The following TBCD variants were observed in gnomAD, a reference collection of about 807,000 sequenced individuals.
The protein encoded by TBCD is tubulin folding cofactor D.
TBCD carries 105 observed loss-of-function variants against 169.3 expected under a neutral mutation model. That is an observed-to-expected ratio of 0.62 (90% CI 0.53 to 0.73). The LOEUF is 0.73. Among genes scored for constraint, TBCD ranks in the 30% least tolerant of loss-of-function variants. TBCD has a pLI of 0.00. For synonymous variants in TBCD, 700 were observed against 643.9 expected (o/e 1.09, Z -1.32); for missense variants, 1,444 against 1,600.1 (o/e 0.90, Z 1.66).
chr17:82,832,368 T>C lies in TBCD; in HGVS notation c.1318+17434T>C, dbSNP rs911529791. The C allele has an allele frequency of 1.2e-6, 2 of 1,614,214 alleles. No individual in the cohort carries two copies. The highest frequency in any genetic ancestry group is 8.5e-7 in the Non-Finnish European group (1 of 1,180,036). On this transcript the variant is annotated intron_variant, in intron 13 of 38. Coordinates refer to ENST00000355528, the MANE Select transcript of TBCD (RefSeq NM_005993.5). The surrounding 1 kb of genome is among the most constrained non-coding windows in gnomAD (Gnocchi z 4.9). ...ACTTCTCATTGCAAGTAAAGGGACA[T>C]TGGAAACATTTATACTTGAAGGGCT...
intron 17 of TBCD, among the ~76,000 whole-genome samples, chr17:82,896,860 G>A (rs2059524087): frequency 6.6e-6 from 1 of 152,092 alleles, no homozygotes; most frequent in Non-Finnish European, 1.5e-5. Flanking sequence ...TGGGGTCCTT[G>A]CCGGCGCTGG....
intron 17 of TBCD, among the ~76,000 whole-genome samples, 183 bp downstream of exon 17, chr17:82,893,815 G>C (rs942790491): frequency 1.3e-5 from 2 of 152,202 alleles, no homozygotes; most frequent in African/African-American, 4.8e-5. Flanking sequence ...ATGTTGATTG[G>C]ACACACCTCA....
rs2054437872 is a variant in TBCD, at chr17:82,840,951, CTGGTT to C, written c.1318+26019_1318+26023del. ...GGACGAGCTGGCCAGGACAGACAAA[CTGGTT>C]TTTTTTTTTTTTTTTTTTTTTTTTT... On this transcript the variant is annotated intron_variant, in intron 13 of 38. Transcript: ENST00000355528. 3.4e-5 allele frequency among the ~76,000 whole-genome samples: 2 copies of C among 58,004 alleles called. 1 individual carries two copies. The highest frequency in any genetic ancestry group is 6.1e-5 in the Non-Finnish European group (2 of 32,682). 38.1% of individuals were successfully genotyped at this position (58,004 alleles called of 152,430 possible).
chr17:82,780,230 C>G (rs2048854477), intron 6 of TBCD, among the ~76,000 whole-genome samples: 2 of 152,196 alleles, frequency 1.3e-5, no homozygotes, highest in Admixed American at 1.3e-4. Context: ...GGTTTTGCAG[C>G]CCCCCTCGTT....
chr17:82,898,416 G>T (rs1449376514), intron 17 of TBCD, among the ~76,000 whole-genome samples: 1 of 152,190 alleles, frequency 6.6e-6, no homozygotes, highest in Non-Finnish European at 1.5e-5. Flanking sequence ...CAGCTCTGCT[G>T]CAGACCCTGG....
intron 23 of TBCD, among the ~76,000 whole-genome samples, chr17:82,911,999 A>G (rs1254524855): frequency 6.6e-6 from 1 of 152,108 alleles, no homozygotes; most frequent in Non-Finnish European, 1.5e-5. Context: ...AGAGAGAGAA[A>G]GAGGAAGTTG....
At chr17:82,908,504 G>T in intron 21 of TBCD, 2 of 370,648 alleles carry the variant, frequency 5.4e-6, no homozygotes, top group Non-Finnish European at 1.1e-5. Context: ...GGGATTACGT[G>T]GTTTACTTGT....
chr17:82,805,589 G>C (rs1218170550), intron 9 of TBCD, among the ~76,000 whole-genome samples: 1 of 152,204 alleles, frequency 6.6e-6, no homozygotes, highest in Non-Finnish European at 1.5e-5. Flanking sequence ...CCTGTCGTCT[G>C]TGTACCCATC....
intron 34 of TBCD, among the ~76,000 whole-genome samples, chr17:82,934,737 G>T (rs1229288610): frequency 6.6e-6 from 1 of 152,162 alleles, no homozygotes; most frequent in Non-Finnish European, 1.5e-5. Flanking sequence ...CTCCCAAAGT[G>T]CTGGGATTAT....
intron 1 of TBCD, 104 bp from the exon 2 acceptor site, chr17:82,756,061 G>A (rs1568086057): frequency 2.0e-6 from 2 of 1,002,740 alleles, no homozygotes; most frequent in African/African-American, 3.2e-5. Flanking sequence ...TGGGGAAGAG[G>A]TGGAGCTGCC....
intron 18 of TBCD, 38 bp downstream of exon 18, chr17:82,900,769 TC>T: frequency 4.0e-6 from 6 of 1,500,626 alleles, no homozygotes; most frequent in East Asian, 2.3e-5. Context: ...GAGCTTTTTT[TC>T]CCCCCAAAGG....
intron 35 of TBCD, 123 bp from the exon 36 acceptor site, chr17:82,937,915 TGGGGCCCCAGG>T: frequency 6.5e-7 from 1 of 1,533,980 alleles, no homozygotes; most frequent in Non-Finnish European, 8.7e-7. Flanking sequence ...ACCTCCGGCT[TGGGGCCCCAGG>T]CCCGCACTGT....
chr17:82,809,374 A>G (rs911801711), intron 11 of TBCD, among the ~76,000 whole-genome samples: 2 of 152,000 alleles, frequency 1.3e-5, no homozygotes, highest in Non-Finnish European at 2.9e-5. Flanking sequence ...TCCAGTAGGG[A>G]GGGTCAGGGT....
At position 82,929,289 on chromosome 17, in the gene TBCD, GC is replaced by G. The variant is rs761836234; in HGVS notation, c.2852+24del. 3 of 1,611,868 alleles carry G rather than the reference GC, an allele frequency of 1.9e-6. No homozygotes were observed. The highest frequency in any genetic ancestry group is 2.7e-5 in the African/African-American group (2 of 74,982). On this transcript the variant is annotated intron_variant, in intron 31 of 38. Transcript: ENST00000355528. ...TTTCCCAGGTACTGTCGGGGTGTAG[GC>G]CCCCCGTGCTGGCCCCGCAGCCATG...
chr17:82,930,674 G>C lies in TBCD; in HGVS notation c.3113+31G>C, dbSNP rs556075382. The C allele has an allele frequency of 6.2e-7, 1 of 1,613,618 alleles. No individual in the cohort carries two copies. The highest frequency in any genetic ancestry group is 1.3e-5 in the African/African-American group (1 of 75,044). On this transcript the variant is annotated intron_variant, in intron 33 of 38. Transcript: ENST00000355528. This position sits in a 1 kb window ranked among gnomAD's most constrained non-coding sequence, Gnocchi z 5.2. ...TGGTGTCTCTTGGGGCCTCAGAGGCGTGAGTGGTGCTGGTGCCTCTCACCA... is the reference window on the plus strand; with the variant it reads ...TGGTGTCTCTTGGGGCCTCAGAGGCCTGAGTGGTGCTGGTGCCTCTCACCA...
At chr17:82,768,775 G>C (rs2048153364) in intron 5 of TBCD, among the ~76,000 whole-genome samples, 1 of 152,146 alleles carries the variant, frequency 6.6e-6, no homozygotes, top group East Asian at 1.9e-4. Context: ...TTTCTTTGTA[G>C]ATGATGCAAA....
chr17:82,910,251 A>G (rs2060531754), intron 22 of TBCD, among the ~76,000 whole-genome samples: 1 of 152,128 alleles, frequency 6.6e-6, no homozygotes, highest in South Asian at 2.1e-4. Flanking sequence ...GTCCCCATCC[A>G]CAAGTGACCC....
intron 13 of TBCD, among the ~76,000 whole-genome samples, chr17:82,850,538 A>AGCTGTGCTGTTGTTG (rs1434813805): frequency 3.7e-4 from 10 of 27,114 alleles, no homozygotes; most frequent in East Asian, 1.0e-3. Flanking sequence ...TGCTGTTGTT[A>AGCTGTGCTGTTGTTG]GCTGTGCTGT....
rs574075057 is a variant in TBCD at position 82,920,441 on chromosome 17, G to A, written c.2039-115G>A. On this transcript the variant is annotated intron_variant, in intron 23 of 38. Transcript: ENST00000355528. The surrounding 1 kb of genome is among the most constrained non-coding windows in gnomAD (Gnocchi z 4.1). Reference sequence around the variant, plus strand: ...GCCCTGGCAGCAGGGTAGGTTGGGCGGGTGAGGGGCAGGAGCTGGCCGCAC... The same window carrying A: ...GCCCTGGCAGCAGGGTAGGTTGGGCAGGTGAGGGGCAGGAGCTGGCCGCAC... 2.5e-4 allele frequency: 211 copies of A among 847,520 alleles called. 3 individuals are homozygous for A. Among genetic ancestry groups the A allele is most frequent in the South Asian group, 2.2e-3 (140 of 63,998 alleles). 52.5% of individuals were successfully genotyped at this position (847,520 alleles called of 1,614,324 possible).
Sources: allele counts gnomAD v4.1 joint callset (sites outside exome capture counted in the v4.1 genomes callset), GRCh38; gene constraint gnomAD v4.1.1; non-coding constraint Gnocchi (gnomAD v3.1); transcripts MANE v1.5; gene names NCBI Gene and HGNC (gene_info 2026-07-23, HGNC 2026-07-21).